Variants in NRXN3 observed in about 807,000 individuals in gnomAD.
NRXN3 encodes neurexin III.
In NRXN3, 32 loss-of-function variants were observed where a neutral mutation model predicts 137.6. The observed-to-expected ratio is 0.23, with a 90% CI of 0.18 to 0.31. The LOEUF (loss-of-function observed/expected upper bound fraction) is 0.31. NRXN3 is among the 10% of genes least tolerant of loss of function. The probability of loss-of-function intolerance (pLI) is 1.00; values close to 1 mark genes in which losing one functional copy is unlikely to be tolerated. For synonymous variants in NRXN3, 798 were observed against 784.5 expected (o/e 1.02, Z -0.29); for missense variants, 1,574 against 2,062.5 (o/e 0.76, Z 4.59).
At chr14:79,415,062 A>G (rs960203125) in intron 15 of NRXN3, among the ~76,000 whole-genome samples, 4 of 152,230 alleles carry the variant, frequency 2.6e-5, no homozygotes, top group African/African-American at 9.6e-5. Context: ...AGGATGAATA[A>G]TATTTCTATA....
chr14:79,490,468 G>A (rs180749656), intron 16 of NRXN3, among the ~76,000 whole-genome samples: 2 of 152,288 alleles, frequency 1.3e-5, no homozygotes, highest in Admixed American at 1.3e-4. Context: ...ATACACAATG[G>A]AGTACTATTC....
intron 15 of NRXN3, among the ~76,000 whole-genome samples, chr14:79,302,502 C>G (rs1422222087): frequency 6.6e-6 from 1 of 151,892 alleles, no homozygotes; most frequent in Non-Finnish European, 1.5e-5. Flanking sequence ...ACAATCAGAT[C>G]TCATGGTAAC....
chr14:78,304,444 T>C (rs2077166939), intron 4 of NRXN3, among the ~76,000 whole-genome samples: 1 of 152,088 alleles, frequency 6.6e-6, no homozygotes, highest in African/African-American at 2.4e-5. Context: ...CAAAAACCAC[T>C]CTGTTGAGGA....
intron 2 of NRXN3, among the ~76,000 whole-genome samples, chr14:78,251,787 G>C (rs1303267611): frequency 6.6e-6 from 1 of 152,202 alleles, no homozygotes; most frequent in African/African-American, 2.4e-5. Context: ...GTGGTATTTA[G>C]ACAGAGGGAT....
At chr14:79,384,230 C>G (rs148071954) in intron 15 of NRXN3, among the ~76,000 whole-genome samples, 313 of 151,962 alleles carry the variant, frequency 2.1e-3, no homozygotes, top group African/African-American at 7.0e-3. Context: ...GGTTTCTGTC[C>G]ACTGTGTGGG....
intron 16 of NRXN3, among the ~76,000 whole-genome samples, chr14:79,493,008 T>C (rs2096732163): frequency 6.6e-6 from 1 of 152,182 alleles, no homozygotes; most frequent in South Asian, 2.1e-4. Context: ...TACCTTCATG[T>C]GTAAAATGCC....
intron 20 of NRXN3, among the ~76,000 whole-genome samples, chr14:79,825,629 G>A (rs1382162943): frequency 3.9e-5 from 6 of 152,134 alleles, no homozygotes. Flanking sequence ...GTCTTTTCTA[G>A]AGTCCAACAC....
rs1161192546 is a variant in NRXN3, at chr14:79,863,570, A to G, written c.*1606A>G. ...CATATTTTACTACATTTTTGCTGGT[A>G]TAATTCCTTAGCCACCTATGTACAT... On this transcript the variant is annotated 3_prime_UTR_variant, in exon 21 of 21. Coordinates refer to ENST00000335750, the MANE Select transcript of NRXN3 (RefSeq NM_001330195.2). The G allele has an allele frequency of 2.0e-5, 3 of 150,918 alleles. No homozygotes were observed. The highest frequency in any genetic ancestry group is 3.0e-5 in the Non-Finnish European group (2 of 67,682). 9.3% of individuals were successfully genotyped at this position (150,918 alleles called of 1,614,324 possible).
At chr14:79,738,622 G>A (rs1417346639) in intron 19 of NRXN3, among the ~76,000 whole-genome samples, 4 of 152,106 alleles carry the variant, frequency 2.6e-5, no homozygotes, top group East Asian at 1.9e-4. Context: ...GCAGTGGTGC[G>A]ATCTTGGCTC....
chr14:79,741,538 G>A (rs776061526), intron 19 of NRXN3, among the ~76,000 whole-genome samples: 16 of 151,986 alleles, frequency 1.1e-4, no homozygotes, highest in Admixed American at 2.0e-4. Flanking sequence ...AGGCTGGAGT[G>A]CAGTGGCATG....
intron 4 of NRXN3, among the ~76,000 whole-genome samples, chr14:78,565,171 A>G (rs2096825759): frequency 6.6e-6 from 1 of 152,244 alleles, no homozygotes; most frequent in Admixed American, 6.5e-5. Flanking sequence ...TTTATTAAGT[A>G]GATAGATCAA....
intron 4 of NRXN3, among the ~76,000 whole-genome samples, chr14:78,537,553 G>A (rs1225599478): frequency 6.6e-6 from 1 of 152,162 alleles, no homozygotes; most frequent in African/African-American, 2.4e-5. Context: ...CTCCCATTCT[G>A]TAGGTTGCTT....
chr14:78,705,417 G>A (rs56325306), intron 6 of NRXN3, among the ~76,000 whole-genome samples: 8,477 of 152,260 alleles, frequency 0.056, 281 homozygotes, highest in Middle Eastern at 0.16. Context: ...TGGGGAAGGT[G>A]AAGATATTAA....
At chr14:78,308,927 CTAT>C (rs1224776102) in intron 4 of NRXN3, among the ~76,000 whole-genome samples, 1 of 152,090 alleles carries the variant, frequency 6.6e-6, no homozygotes, top group Non-Finnish European at 1.5e-5. Flanking sequence ...ACACACTCTT[CTAT>C]TATTAGTGAT....
rs190344335 is a variant in NRXN3, at chr14:79,495,904, T to C, written c.3444+28502T>C. Among the ~76,000 whole-genome samples, 15 of 151,858 alleles carry C rather than the reference T, an allele frequency of 9.9e-5. No homozygotes were observed. In the East Asian group the frequency reaches 2.9e-3, roughly 29 times the overall value. Reference sequence around the variant, plus strand: ...CAGTGATCAAAGTCGATGGTATTTATTTTATGTTTAAAAGGTGTCATCTCT... The same window carrying C: ...CAGTGATCAAAGTCGATGGTATTTACTTTATGTTTAAAAGGTGTCATCTCT... On this transcript the variant is annotated intron_variant, in intron 16 of 20. Coordinates refer to ENST00000335750, the MANE Select transcript of NRXN3 (RefSeq NM_001330195.2).
intron 15 of NRXN3, among the ~76,000 whole-genome samples, chr14:79,025,833 C>T (rs1456915200): frequency 1.3e-5 from 2 of 152,102 alleles, no homozygotes; most frequent in Non-Finnish European, 2.9e-5. Flanking sequence ...GAAGTATGCT[C>T]GCCAGGGTGA....
At chr14:79,396,981 G>C (rs2095045465) in intron 15 of NRXN3, among the ~76,000 whole-genome samples, 1 of 152,118 alleles carries the variant, frequency 6.6e-6, no homozygotes, top group Non-Finnish European at 1.5e-5. Flanking sequence ...TGACCTCCTA[G>C]TATAATGCTA....
At chr14:78,763,432 G>A (rs990561834) in intron 8 of NRXN3, among the ~76,000 whole-genome samples, 1 of 151,702 alleles carries the variant, frequency 6.6e-6, no homozygotes, top group Non-Finnish European at 1.5e-5. Context: ...TACAGTGTGT[G>A]GTGTTTTGGT....
intron 4 of NRXN3, among the ~76,000 whole-genome samples, chr14:78,626,025 T>C (rs1394762802): frequency 6.6e-6 from 1 of 152,184 alleles, no homozygotes; most frequent in Non-Finnish European, 1.5e-5. Flanking sequence ...GTAAGCCTGG[T>C]GCTCAGCATT....
Sources: gnomAD v4.1 joint callset for allele counts (sites outside exome capture counted in the v4.1 genomes callset) on GRCh38, gnomAD v4.1.1 for gene constraint, MANE v1.5 for transcripts, NCBI Gene and HGNC (gene_info 2026-07-23, HGNC 2026-07-21) for gene names.